Variants in MSTN observed in about 807,000 individuals in gnomAD.
MSTN encodes the protein growth/differentiation factor 8.
A neutral mutation model predicts 32.3 loss-of-function variants in MSTN; 12 were observed. The ratio of observed to expected loss-of-function variants is 0.37; its 90% CI spans 0.24 to 0.60. The LOEUF is 0.60. MSTN is among the 20% of genes least tolerant of loss of function. MSTN has a pLI of 0.67. For missense variants in MSTN, 403 were observed against 450.3 expected (o/e 0.89, Z 0.95); for synonymous variants, 168 against 155.1 (o/e 1.08, Z -0.62).
chr2:190,057,564 C>T lies in MSTN; in HGVS notation c.822G>A (p.Glu274=), dbSNP rs573883915. The T allele has an allele frequency of 4.3e-6, 7 of 1,613,536 alleles. No individual in the cohort carries two copies. The African/African-American group carries it at 5.3e-5, about 12-fold the overall frequency. The change falls in exon 3 of 3, where the codon GAG becomes GAA. Residue 274 remains glutamate, a synonymous_variant. Coordinates refer to ENST00000260950, the MANE Select transcript of MSTN (RefSeq NM_005259.3). ...GACAGCATCGTGATTCTGTTGAGTG[C>T]TCATCACAGTCAAGACCAAAATCCC... ...SRRDFGLDCD[E]HSTESRCCRY...
Position 190,057,611 on chromosome 2 carries a change from C to G in MSTN, c.775G>C (p.Asp259His), listed in dbSNP as rs938778820. Residue 259 changes from aspartate (D) to histidine (H), a missense_variant, in exon 3 of 3, where the codon GAC becomes CAC. Coordinates refer to ENST00000260950, the MANE Select transcript of MSTN (RefSeq NM_005259.3). ...TCCCTTCTGGATCTTTTTGGTGTGTCTGTTACCTTGACCTCTAAAAACGGA... is the reference window on the plus strand; with the variant it reads ...TCCCTTCTGGATCTTTTTGGTGTGTGTGTTACCTTGACCTCTAAAAACGGA... ...LNPFLEVKVT[D>H]TPKRSRRDFG... 1.8e-5 allele frequency: 29 copies of G among 1,613,136 alleles called. No homozygotes were observed. The highest frequency in any genetic ancestry group is 2.5e-5 in the Non-Finnish European group (29 of 1,179,410).
At position 190,056,963 on chromosome 2, in the gene MSTN, G is replaced by T. The variant is rs1685451435; in HGVS notation, c.*295C>A. ...CCTTTAATTCATCAGAACTCAAGGA[G>T]AATCGCTTTCATTTCCTCGCCGATG... On this transcript the variant is annotated 3_prime_UTR_variant, in exon 3 of 3. Transcript: ENST00000260950. 8.9e-6 allele frequency: 3 copies of T among 338,714 alleles called. No individual in the cohort carries two copies. The highest frequency in any genetic ancestry group is 1.6e-5 in the Non-Finnish European group (3 of 183,368). The allele number at this position is 338,714 out of a possible 1,614,324, so 21.0% of individuals were successfully genotyped here.
At chr2:190,060,009 A>G (rs1470688712) in intron 2 of MSTN, 53 bp downstream of exon 2, 10 of 1,558,088 alleles carry the variant, frequency 6.4e-6, no homozygotes, top group Non-Finnish European at 7.9e-6. Context: ...GTTTGTTCAT[A>G]TTATGAATAA....
rs1685443891 is a variant in MSTN at position 190,056,793 on chromosome 2, G to A, written c.*465C>T. ...TTTTTGTGGAATTTTATCTTACCAA[G>A]TATACTACCATACAATATAAATTCA... On this transcript the variant is annotated 3_prime_UTR_variant, in exon 3 of 3. Coordinates refer to ENST00000260950, the MANE Select transcript of MSTN (RefSeq NM_005259.3). 1.7e-5 allele frequency: 3 copies of A among 171,886 alleles called. No individual in the cohort carries two copies. The allele number at this position is 171,886 out of a possible 1,614,324, so 10.6% of individuals were successfully genotyped here.
At chr2:190,062,186 C>T in intron 1 of MSTN, 38 bp downstream of exon 1, 1 of 1,604,232 alleles carries the variant, frequency 6.2e-7, no homozygotes, top group Non-Finnish European at 8.5e-7. Context: ...GAACAACAGT[C>T]AGCAGAACTG....
At position 190,057,177 on chromosome 2, in the gene MSTN, G is replaced by T. The variant is rs755355591; in HGVS notation, c.*81C>A. The T allele has an allele frequency of 2.7e-6, 4 of 1,486,880 alleles. No homozygotes were observed. The highest frequency in any genetic ancestry group is 3.7e-6 in the Non-Finnish European group (4 of 1,070,328). The allele number at this position is 1,486,880 out of a possible 1,614,324, so 92.1% of individuals were successfully genotyped here. On this transcript the variant is annotated 3_prime_UTR_variant, in exon 3 of 3. Transcript: ENST00000260950. ...AGCATACTCTAGGCCTATAGCCTGT[G>T]GTACTTAATTTCACAGCTTCAAAAT...
intron 2 of MSTN, among the ~76,000 whole-genome samples, chr2:190,058,507 A>G (rs1413143768): frequency 3.3e-5 from 5 of 151,992 alleles, no homozygotes; most frequent in African/African-American, 4.8e-5. Flanking sequence ...TATATAAAGG[A>G]AACTAGATCA....
Position 190,055,992 on chromosome 2 carries a change from T to C in MSTN, c.*1266A>G, listed in dbSNP as rs1269859702. ...GTATTAAAATAATGGAACGTTGAGA[T>C]TTAAACACAATGACAGTAAACCATT... On this transcript the variant is annotated 3_prime_UTR_variant, in exon 3 of 3. Transcript: ENST00000260950. The C allele has an allele frequency of 6.6e-6, 1 of 152,530 alleles. No homozygotes were observed. The highest frequency in any genetic ancestry group is 2.4e-5 in the African/African-American group (1 of 41,440). The allele number at this position is 152,530 out of a possible 1,614,324, so 9.4% of individuals were successfully genotyped here.
In MSTN at chr2:190,057,128, T is replaced by C. The variant is rs1012048094; in HGVS notation, c.*130A>G. On this transcript the variant is annotated 3_prime_UTR_variant, in exon 3 of 3. Coordinates refer to ENST00000260950, the MANE Select transcript of MSTN (RefSeq NM_005259.3). ...ATATTCCCCCTTTTAGTTTACATAC[T>C]GTAGCTTATGCTTAAGTGACTGTAG... 1.1e-6 allele frequency: 1 copy of C among 918,448 alleles called. No individual in the cohort carries two copies. Among genetic ancestry groups the C allele is most frequent in the Non-Finnish European group, 1.7e-6 (1 of 598,486 alleles). The allele number at this position is 918,448 out of a possible 1,614,324, so 56.9% of individuals were successfully genotyped here.
chr2:190,062,656 T>C lies in MSTN; in HGVS notation c.-60A>G. On this transcript the variant is annotated 5_prime_UTR_variant, in exon 1 of 3. Coordinates refer to ENST00000260950, the MANE Select transcript of MSTN (RefSeq NM_005259.3). The stretch of plus-strand genomic sequence containing the variant: ...TTGTTTCTTCCTTTTACTTTTCTTT[T>C]GCTTTTGAGTAATGCCAAGCAAAAT... 1 of 1,560,600 alleles carries C rather than the reference T, an allele frequency of 6.4e-7. No homozygotes were observed. Among genetic ancestry groups the C allele is most frequent in the Non-Finnish European group, 8.7e-7 (1 of 1,149,450 alleles).
At chr2:190,058,763 G>A (rs112990150) in intron 2 of MSTN, among the ~76,000 whole-genome samples, 7 of 151,944 alleles carry the variant, frequency 4.6e-5, no homozygotes, top group Non-Finnish European at 8.8e-5. Flanking sequence ...AATACCATAC[G>A]TTCTTACTTA....
chr2:190,055,963 G>T lies in MSTN; in HGVS notation c.*1295C>A, dbSNP rs1685415970. The T allele has an allele frequency of 6.6e-6, 1 of 152,448 alleles. No individual in the cohort carries two copies. The highest frequency in any genetic ancestry group is 6.6e-5 in the Admixed American group (1 of 15,254). The allele number at this position is 152,448 out of a possible 1,614,324, so 9.4% of individuals were successfully genotyped here. A position where few individuals can be genotyped will look rare whatever the true frequency, so the allele number is the denominator to read the frequency against. ...TTTTGGTATACTTAGTAATGTTTTT[G>T]CAAGTATTAAAATAATGGAACGTTG... On this transcript the variant is annotated 3_prime_UTR_variant, in exon 3 of 3. Transcript: ENST00000260950.
At chr2:190,059,253 T>G (rs916976485) in intron 2 of MSTN, among the ~76,000 whole-genome samples, 1 of 151,868 alleles carries the variant, frequency 6.6e-6, no homozygotes, top group African/African-American at 2.4e-5. Flanking sequence ...GAAATTTAGG[T>G]AAGCCAGAAG....
Position 190,057,035 on chromosome 2 carries a change from A to C in MSTN, c.*223T>G, listed in dbSNP as rs1305159577. Reference sequence around the variant, plus strand: ...ATGTAATTTGATCTCCTTCTAGCTCAAAAACTCTGGAAATCATAAAACTTT... The same window carrying C: ...ATGTAATTTGATCTCCTTCTAGCTCCAAAACTCTGGAAATCATAAAACTTT... On this transcript the variant is annotated 3_prime_UTR_variant, in exon 3 of 3. Coordinates refer to ENST00000260950, the MANE Select transcript of MSTN (RefSeq NM_005259.3). 1.9e-6 allele frequency: 1 copy of C among 535,912 alleles called. No individual in the cohort carries two copies. The highest frequency in any genetic ancestry group is 1.9e-5 in the African/African-American group (1 of 52,578). The allele number at this position is 535,912 out of a possible 1,614,324, so 33.2% of individuals were successfully genotyped here.
rs1356908296 is a variant in MSTN, at chr2:190,060,322, C to T, written c.487G>A (p.Val163Ile). 1.1e-5 allele frequency: 18 copies of T among 1,612,752 alleles called. No individual in the cohort carries two copies. Among genetic ancestry groups the T allele is most frequent in the East Asian group, 2.2e-5 (1 of 44,856 alleles). ...KAQLWIYLRP[V>I]ETPTTVFVQI... ...ACAAACACTGTTGTAGGAGTCTCGA[C>T]GGGTCTCAAATATATCCATAGTTGG... Residue 163 changes from valine to isoleucine, a missense_variant, in exon 2 of 3, where the codon GTC becomes ATC. Transcript: ENST00000260950.
At chr2:190,061,093 T>G (rs1301781794) in intron 1 of MSTN, among the ~76,000 whole-genome samples, 1 of 152,066 alleles carries the variant, frequency 6.6e-6, no homozygotes, top group Non-Finnish European at 1.5e-5. Flanking sequence ...CACTAACAAT[T>G]TCTTTTATTT....
Position 190,056,474 on chromosome 2 carries a change from C to T in MSTN, c.*784G>A, listed in dbSNP as rs776456900. 4 of 152,382 alleles carry T rather than the reference C, an allele frequency of 2.6e-5. No individual in the cohort carries two copies. Among genetic ancestry groups the T allele is most frequent in the Non-Finnish European group, 5.9e-5 (4 of 67,970 alleles). The allele number at this position is 152,382 out of a possible 1,614,324, so 9.4% of individuals were successfully genotyped here. ...TTTGACATTTTGATAAAAACAAACA[C>T]CATTTGACTGCCTTTTAAGATAATG... On this transcript the variant is annotated 3_prime_UTR_variant, in exon 3 of 3. Coordinates refer to ENST00000260950, the MANE Select transcript of MSTN (RefSeq NM_005259.3).
rs944712287 is a variant in MSTN, at chr2:190,056,982, G to A, written c.*276C>T. 5.5e-5 allele frequency: 19 copies of A among 343,350 alleles called. No individual in the cohort carries two copies. Among genetic ancestry groups the A allele is most frequent in the Non-Finnish European group, 9.1e-5 (17 of 187,210 alleles). 21.3% of individuals were successfully genotyped at this position (343,350 alleles called of 1,614,324 possible). On this transcript the variant is annotated 3_prime_UTR_variant, in exon 3 of 3. Transcript: ENST00000260950. ...CAAGGAGAATCGCTTTCATTTCCTC[G>A]CCGATGTTGTAATATATAGGAACAT...
chr2:190,059,935 G>T, intron 2 of MSTN, 127 bp downstream of exon 2: 1 of 915,168 alleles, frequency 1.1e-6, no homozygotes, highest in African/African-American at 1.7e-5. Flanking sequence ...CAGGGCTACC[G>T]TTGGGGTAAG....
Sources: gnomAD v4.1 joint callset for allele counts (sites outside exome capture counted in the v4.1 genomes callset) on GRCh38, gnomAD v4.1.1 for gene constraint, MANE v1.5 for transcripts, NCBI Gene and HGNC (gene_info 2026-07-23, HGNC 2026-07-21) for gene names.